CACNA1B: variants seen among roughly 807,000 people sequenced by gnomAD.
The protein encoded by CACNA1B is voltage-dependent N-type calcium channel subunit alpha-1B.
In CACNA1B, 70 loss-of-function variants were observed where a neutral mutation model predicts 247.2. That is an observed-to-expected ratio of 0.28 (90% CI 0.23 to 0.35). The LOEUF (loss-of-function observed/expected upper bound fraction) is 0.35. CACNA1B is among the 10% of genes least tolerant of loss of function. CACNA1B has a pLI of 1.00. For synonymous variants in CACNA1B, 1,231 were observed against 1,294.4 expected, an observed-to-expected ratio of 0.95 and a Z score of 1.05; for missense variants, 2,367 against 3,197.4, an observed-to-expected ratio of 0.74 and a Z score of 6.26.
chr9:138,083,991 C>G (rs1960611864), intron 36 of CACNA1B, among the ~76,000 whole-genome samples: 1 of 150,894 alleles, frequency 6.6e-6, no homozygotes, highest in Admixed American at 6.6e-5. Context: ...GCAGCTGTAT[C>G]CAACTTCTCA....
Position 137,986,472 on chromosome 9 carries a change from T to C in CACNA1B, c.1829T>C (p.Ile610Thr), listed in dbSNP as rs1958363323. The C allele has an allele frequency of 6.2e-7, 1 of 1,613,786 alleles. No individual in the cohort carries two copies. ...CTGCTGAACTCCATGAAGTCCATCA[T>C]CAGCCTGCTCTTCTTGCTCTTCCTG... is the stretch of plus-strand genomic sequence containing the variant. ...VSLLNSMKSIISLLFLLFLFI... is the reference protein window; with the variant it reads ...VSLLNSMKSITSLLFLLFLFI... Residue 610 changes from isoleucine to threonine, a missense_variant, in exon 14 of 47, where the codon ATC becomes ACC. Physicochemically the swap from Ile to Thr is moderately conservative, Grantham distance 89 (BLOSUM62 -1). Transcript: ENST00000371372. The surrounding 1 kb of genome is among the most constrained non-coding windows in gnomAD (Gnocchi z 6.0).
At position 138,007,067 on chromosome 9, in the gene CACNA1B, G is replaced by A. The variant is rs918565113; in HGVS notation, c.2092+183G>A. Among the ~76,000 whole-genome samples, 2 of 151,886 alleles carry A rather than the reference G, an allele frequency of 1.3e-5. No individual in the cohort carries two copies. Among genetic ancestry groups the A allele is most frequent in the African/African-American group, 4.8e-5 (2 of 41,304 alleles). ...GGAGCGCAGGGCTCTGGAGGCTTTG[G>A]GACTCAGCTTGAGGGAGCATGAGCT... On this transcript the variant is annotated intron_variant, in intron 16 of 46. Coordinates refer to ENST00000371372, the MANE Select transcript of CACNA1B (RefSeq NM_000718.4). The surrounding 1 kb of genome is among the most constrained non-coding windows in gnomAD (Gnocchi z 4.1).
rs946018395 is a variant in CACNA1B at position 138,102,462 on chromosome 9, C to T, written c.5223-249C>T. ...GACGCCACCCCCGCCCACTGCCCCGCGTGGGGCTGGAGTGAGGAGGTGAGG... is the reference window on the plus strand; with the variant it reads ...GACGCCACCCCCGCCCACTGCCCCGTGTGGGGCTGGAGTGAGGAGGTGAGG... On this transcript the variant is annotated intron_variant, in intron 37 of 46. Transcript: ENST00000371372. The surrounding 1 kb of genome is among the most constrained non-coding windows in gnomAD (Gnocchi z 5.4). 1.3e-5 allele frequency among the ~76,000 whole-genome samples: 2 copies of T among 152,150 alleles called. No homozygotes were observed. The highest frequency in any genetic ancestry group is 1.9e-4 in the East Asian group (1 of 5,174).
Position 138,059,565 on chromosome 9 carries a change from T to C in CACNA1B, c.4585-89T>C. 1 of 817,760 alleles carries C rather than the reference T, an allele frequency of 1.2e-6. No individual in the cohort carries two copies. The highest frequency in any genetic ancestry group is 1.8e-5 in the Admixed American group (1 of 56,010). The allele number at this position is 817,760 out of a possible 1,614,324, so 50.7% of individuals were successfully genotyped here. On this transcript the variant is annotated intron_variant, in intron 30 of 46. Coordinates refer to ENST00000371372, the MANE Select transcript of CACNA1B (RefSeq NM_000718.4). This position sits in a 1 kb window ranked among gnomAD's most constrained non-coding sequence, Gnocchi z 4.2. The stretch of plus-strand genomic sequence containing the variant: ...CTCAGGGTCTATCACCCTCACCGCT[T>C]TCTTAATCAGGGCCACCACCTATAT...
intron 41 of CACNA1B, among the ~76,000 whole-genome samples, 192 bp from the exon 42 acceptor site, chr9:138,115,360 T>A (rs1961815994): frequency 6.6e-6 from 1 of 152,200 alleles, no homozygotes; most frequent in Non-Finnish European, 1.5e-5. Context: ...CTTGCTTCAC[T>A]GTTTTGGTCA....
chr9:137,943,557 CTG>C (rs1957758744), intron 6 of CACNA1B, among the ~76,000 whole-genome samples: 1 of 151,922 alleles, frequency 6.6e-6, no homozygotes, highest in Admixed American at 6.6e-5. Context: ...GTAAAGGTAT[CTG>C]TAACCTGCAC....
At chr9:137,908,535 A>T (rs1476166141) in intron 3 of CACNA1B, among the ~76,000 whole-genome samples, 1 of 152,128 alleles carries the variant, frequency 6.6e-6, no homozygotes, top group Non-Finnish European at 1.5e-5. Context: ...ACAAACAAAC[A>T]AACAAAAAAA....
intron 20 of CACNA1B, among the ~76,000 whole-genome samples, chr9:138,036,200 C>T (rs980566328): frequency 2.0e-5 from 3 of 151,918 alleles, no homozygotes; most frequent in Admixed American, 6.6e-5. Context: ...AGTGCAGTGG[C>T]GCAATCTTGG....
intron 31 of CACNA1B, among the ~76,000 whole-genome samples, chr9:138,064,930 G>A (rs1432773117): frequency 6.6e-6 from 1 of 152,250 alleles, no homozygotes; most frequent in Non-Finnish European, 1.5e-5. Context: ...AAGCTGGTTG[G>A]CTCGTGGGCA....
chr9:138,025,315 T>G (rs977331376), intron 20 of CACNA1B, 143 bp downstream of exon 20: 2 of 623,994 alleles, frequency 3.2e-6, no homozygotes, highest in Admixed American at 2.6e-5. Flanking sequence ...AGTCCTTTGC[T>G]GTCAACATCT....
chr9:138,069,505 C>G (rs1196567995), intron 31 of CACNA1B, among the ~76,000 whole-genome samples: 1 of 152,112 alleles, frequency 6.6e-6, no homozygotes, highest in Admixed American at 6.5e-5. Flanking sequence ...AAAAATAATG[C>G]AGTTTACCAA....
intron 15 of CACNA1B, among the ~76,000 whole-genome samples, chr9:137,988,150 G>A (rs189281116): frequency 6.6e-6 from 1 of 152,350 alleles, no homozygotes; most frequent in Admixed American, 6.5e-5. Context: ...ACCTATGTCA[G>A]CCTCTGGGAC....
intron 3 of CACNA1B, among the ~76,000 whole-genome samples, chr9:137,897,895 C>G (rs1177908677): frequency 6.6e-6 from 1 of 151,754 alleles, no homozygotes; most frequent in East Asian, 1.9e-4. Context: ...TTTTATTTAC[C>G]CACATTTTTA....
chr9:138,084,808 C>T lies in CACNA1B; in HGVS notation c.5094+6550C>T, dbSNP rs144458823. On this transcript the variant is annotated intron_variant, in intron 36 of 46. Coordinates refer to ENST00000371372, the MANE Select transcript of CACNA1B (RefSeq NM_000718.4). ...CTACTAAAAATACAAAAAAATTAGCCGGGCGCGGTGGTGGGCGCCTGTAGT... is the reference window on the plus strand; with the variant it reads ...CTACTAAAAATACAAAAAAATTAGCTGGGCGCGGTGGTGGGCGCCTGTAGT... Among the ~76,000 whole-genome samples, 847 of 150,784 alleles carry T rather than the reference C, an allele frequency of 5.6e-3. 42 individuals carry two copies. The highest frequency in any genetic ancestry group is 0.02 in the African/African-American group (806 of 40,704).
chr9:138,114,706 C>G (rs535425808), intron 41 of CACNA1B, among the ~76,000 whole-genome samples: 60 of 152,178 alleles, frequency 3.9e-4, no homozygotes, highest in Non-Finnish European at 6.8e-4. Flanking sequence ...TGGGCAGCTC[C>G]TGACATAGAA....
intron 23 of CACNA1B, among the ~76,000 whole-genome samples, chr9:138,047,816 GGGA>G (rs1407045661): frequency 1.3e-5 from 2 of 152,236 alleles, no homozygotes; most frequent in African/African-American, 4.8e-5. Flanking sequence ...CATTGGCTGG[GGGA>G]GGAGGAGACC....
chr9:137,893,477 C>G (rs1398146618), intron 3 of CACNA1B, among the ~76,000 whole-genome samples: 3 of 150,978 alleles, frequency 2.0e-5, no homozygotes, highest in Non-Finnish European at 4.4e-5. Flanking sequence ...GGTGAAACCC[C>G]ATCTCTACTA....
intron 40 of CACNA1B, among the ~76,000 whole-genome samples, chr9:138,113,794 A>T (rs2979438): frequency 8.4e-6 from 1 of 119,278 alleles, no homozygotes. Flanking sequence ...GCCCAACTCC[A>T]TCTTGTGGGA....
intron 12 of CACNA1B, among the ~76,000 whole-genome samples, chr9:137,979,348 G>T (rs1350174931): frequency 1.3e-5 from 2 of 152,180 alleles, no homozygotes; most frequent in Non-Finnish European, 2.9e-5. Flanking sequence ...CCGAGTTCCT[G>T]GTCATGTGGC....
Sources: gnomAD v4.1 joint callset for allele counts (sites outside exome capture counted in the v4.1 genomes callset) on GRCh38, gnomAD v4.1.1 for gene constraint, Gnocchi (gnomAD v3.1) non-coding constraint, MANE v1.5 for transcripts, NCBI Gene and HGNC (gene_info 2026-07-23, HGNC 2026-07-21) for gene names.